The following ITPRID1 variants were observed in gnomAD, a reference collection of about 807,000 sequenced individuals.
The protein encoded by ITPRID1 is protein ITPRID1.
A neutral mutation model predicts 95.4 loss-of-function variants in ITPRID1; 96 were observed. The ratio of observed to expected loss-of-function variants is 1.01; its 90% CI spans 0.85 to 1.19. The LOEUF (loss-of-function observed/expected upper bound fraction) is 1.19. Ranked by LOEUF, ITPRID1 falls within the 50% of genes most tolerant of loss-of-function variation. The pLI is 0.00. For synonymous variants in ITPRID1, 510 were observed against 453.6 expected (o/e 1.12, Z -1.58); for missense variants, 1,339 against 1,252.9 (o/e 1.07, Z -1.04).
intron 10 of ITPRID1, among the ~76,000 whole-genome samples, chr7:31,614,143 A>C (rs540100651): frequency 6.6e-6 from 1 of 152,170 alleles, no homozygotes; most frequent in African/African-American, 2.4e-5. Context: ...GATATTACGG[A>C]GTCTTAGATT....
chr7:31,568,049 T>C, intron 5 of ITPRID1, among the ~76,000 whole-genome samples: 1 of 151,374 alleles, frequency 6.6e-6, no homozygotes, highest in East Asian at 2.0e-4. Context: ...TCACTTGAAC[T>C]CGGGAGGCAG....
chr7:31,630,929 G>A (rs1583657954), intron 10 of ITPRID1, among the ~76,000 whole-genome samples: 2 of 152,070 alleles, frequency 1.3e-5, no homozygotes, highest in South Asian at 4.1e-4. Flanking sequence ...TAAGACCAAA[G>A]CTAGGATGAG....
At chr7:31,515,714 G>A (rs1053884746) in intron 1 of ITPRID1, among the ~76,000 whole-genome samples, 7 of 152,202 alleles carry the variant, frequency 4.6e-5, no homozygotes, top group African/African-American at 1.7e-4. Flanking sequence ...GATTGAAAAC[G>A]TAGGGATATG....
chr7:31,567,544 A>C lies in ITPRID1; in HGVS notation c.257-2214A>C, dbSNP rs191696847. ...CGTATATATTCCCACTCACTATTTA[A>C]ACCTTTAAAATCGATTCTATTTCTC... On this transcript the variant is annotated intron_variant, in intron 5 of 14. Transcript: ENST00000615280. Among the ~76,000 whole-genome samples, 68 of 151,710 alleles carry C rather than the reference A, an allele frequency of 4.5e-4. No homozygotes were observed. The East Asian group carries it at 0.012, about 28-fold the overall frequency.
At chr7:31,617,266 A>AAATGATAGAT (rs1611054) in intron 10 of ITPRID1, among the ~76,000 whole-genome samples, 6 of 152,194 alleles carry the variant, frequency 3.9e-5, no homozygotes, top group South Asian at 4.1e-4. Flanking sequence ...CAACAATTTA[A>AAATGATAGAT]CTTTGCAAAG....
At position 31,554,416 on chromosome 7, in the gene ITPRID1, G is replaced by A. The variant is rs1005449564; in HGVS notation, c.164-59G>A. The A allele has an allele frequency of 2.2e-5, 35 of 1,584,116 alleles. No homozygotes were observed. The African/African-American group carries it at 4.3e-4, about 19-fold the overall frequency. ...ACTGAGTGGCGGCTGAGTAAACAGG[G>A]TAGCATCCTTTTAGCTGGTTGTGCT... On this transcript the variant is annotated intron_variant, in intron 3 of 14. Transcript: ENST00000615280.
chr7:31,575,613 A>T (rs1378465795), intron 8 of ITPRID1, among the ~76,000 whole-genome samples: 1 of 152,218 alleles, frequency 6.6e-6, no homozygotes, highest in Non-Finnish European at 1.5e-5. Flanking sequence ...TTTCAAAACC[A>T]CTTAAATACA....
At chr7:31,547,559 C>T (rs1470786913) in intron 1 of ITPRID1, among the ~76,000 whole-genome samples, 2 of 152,120 alleles carry the variant, frequency 1.3e-5, no homozygotes, top group Non-Finnish European at 2.9e-5. Flanking sequence ...TAACCTCCTA[C>T]CGGGTCCTTC....
chr7:31,620,288 A>C (rs938633639), intron 10 of ITPRID1, among the ~76,000 whole-genome samples: 1 of 152,056 alleles, frequency 6.6e-6, no homozygotes, highest in African/African-American at 2.4e-5. Context: ...GAGATCTGAG[A>C]ACGGGCAGAC....
chr7:31,544,848 A>C (rs946118302), intron 1 of ITPRID1, among the ~76,000 whole-genome samples: 2 of 152,184 alleles, frequency 1.3e-5, no homozygotes, highest in African/African-American at 4.8e-5. Flanking sequence ...ACTACAAAAA[A>C]AAGTAAGTCA....
intron 10 of ITPRID1, among the ~76,000 whole-genome samples, chr7:31,600,128 T>G (rs1786331159): frequency 6.6e-6 from 1 of 152,224 alleles, no homozygotes. Flanking sequence ...GAAGCAATTT[T>G]CAACCTCAGT....
At chr7:31,569,710 C>G (rs1784916552) in intron 5 of ITPRID1, 48 bp from the exon 6 acceptor site, 1 of 1,515,538 alleles carries the variant, frequency 6.6e-7, no homozygotes, top group African/African-American at 1.4e-5. Flanking sequence ...AAATCTTCCG[C>G]AAGATAAAAC....
intron 6 of ITPRID1, among the ~76,000 whole-genome samples, chr7:31,570,892 G>C (rs1583512246): frequency 6.6e-6 from 1 of 152,002 alleles, no homozygotes; most frequent in Non-Finnish European, 1.5e-5. Flanking sequence ...TAAGTGAAAG[G>C]GTATCTTCTG....
At chr7:31,625,320 C>G (rs1415296129) in intron 10 of ITPRID1, among the ~76,000 whole-genome samples, 3 of 149,744 alleles carry the variant, frequency 2.0e-5, no homozygotes, top group Non-Finnish European at 4.4e-5. Context: ...GACACATGCA[C>G]TCATATGTTT....
At position 31,577,995 on chromosome 7, in the gene ITPRID1, G is replaced by A; in HGVS notation, c.731G>A (p.Ser244Asn). The A allele has an allele frequency of 1.2e-6, 2 of 1,613,794 alleles. No homozygotes were observed. The highest frequency in any genetic ancestry group is 1.7e-6 in the Non-Finnish European group (2 of 1,179,848). The stretch of plus-strand genomic sequence containing the variant: ...GAGAGTGTGCAAAGAACCTCAGTGA[G>A]TGCCGCCAAAGAGCATCGAAGAAGA... The part of the protein sequence containing the change: ...GGESVQRTSV[S>N]AAKEHRRRMG... Residue 244 changes from serine to asparagine, a missense_variant, in exon 9 of 15, where the codon AGT becomes AAT. By Grantham distance (46) the Ser-to-Asn change is conservative. Coordinates refer to ENST00000615280, the MANE Select transcript of ITPRID1 (RefSeq NM_001257967.3).
chr7:31,585,515 G>T (rs1238119746), intron 10 of ITPRID1, among the ~76,000 whole-genome samples: 2 of 152,152 alleles, frequency 1.3e-5, no homozygotes, highest in African/African-American at 4.8e-5. Context: ...AAGAAGAGGA[G>T]GAGAAGTCTA....
intron 1 of ITPRID1, 87 bp from the exon 2 acceptor site, chr7:31,549,339 A>C: frequency 1.1e-6 from 1 of 945,700 alleles, no homozygotes; most frequent in Non-Finnish European, 1.4e-6. Context: ...TCAAGACAAC[A>C]CAGGCTACCC....
intron 10 of ITPRID1, among the ~76,000 whole-genome samples, chr7:31,620,324 C>G (rs961874535): frequency 6.6e-6 from 1 of 152,012 alleles, no homozygotes; most frequent in African/African-American, 2.4e-5. Context: ...GTCCCTGACC[C>G]CTGACCCCTG....
intron 10 of ITPRID1, among the ~76,000 whole-genome samples, chr7:31,586,782 T>G (rs1232711242): frequency 1.3e-5 from 2 of 151,680 alleles, no homozygotes; most frequent in Admixed American, 1.3e-4. Flanking sequence ...TTCTCCCATT[T>G]TGTAGGTTGC....
Sources: gnomAD v4.1 joint callset for allele counts (sites outside exome capture counted in the v4.1 genomes callset) on GRCh38, gnomAD v4.1.1 for gene constraint, MANE v1.5 for transcripts, NCBI Gene and HGNC (gene_info 2026-07-23, HGNC 2026-07-21) for gene names.